CPPED1: variants seen among roughly 807,000 people sequenced by gnomAD.
CPPED1 encodes the protein calcineurin like phosphoesterase domain containing 1, also known as serine/threonine-protein phosphatase CPPED1.
CPPED1 carries 28 observed loss-of-function variants against 28.0 expected under a neutral mutation model. That is an observed-to-expected ratio of 1.00 (90% CI 0.74 to 1.37). The LOEUF (loss-of-function observed/expected upper bound fraction) is 1.37. CPPED1 is among the 40% of genes most tolerant of loss of function. CPPED1 has a pLI of 0.00. For missense variants in CPPED1, 504 were observed against 416.5 expected, an observed-to-expected ratio of 1.21 and a Z score of -1.83; for synonymous variants, 198 against 180.2, an observed-to-expected ratio of 1.10 and a Z score of -0.79.
At chr16:12,790,099 C>CA (rs2080587489) in intron 1 of CPPED1, among the ~76,000 whole-genome samples, 2 of 152,126 alleles carry the variant, frequency 1.3e-5, no homozygotes, top group Non-Finnish European at 2.9e-5. Context: ...CAATTGCACT[C>CA]AGAGAAGAAT....
chr16:12,781,449 C>G (rs1481744794), intron 1 of CPPED1, 46 bp from the exon 2 acceptor site: 1 of 1,575,844 alleles, frequency 6.3e-7, no homozygotes, highest in Non-Finnish European at 8.7e-7. Context: ...CTTGTAAAAT[C>G]TGTCATAAAA....
rs11645068 is a variant in CPPED1, at chr16:12,664,962, T to C, written c.869A>G (p.His290Arg). Residue 290 changes from histidine (H) to arginine (R), a missense_variant, in exon 4 of 4, where the codon CAC (histidine) becomes CGC (arginine). His to Arg is a conservative substitution (Grantham distance 29). Transcript: ENST00000381774. The surrounding 1 kb of genome is among the most constrained non-coding windows in gnomAD (Gnocchi z 4.2). ...CAGCTCATCTAGACTGTAGTATCGG[T>C]GAACAATTTTCTCGGCGGTGACCAC... Reference protein sequence around the residue: ...VVVVTAEKIVHRYYSLDELSE... With the variant: ...VVVVTAEKIVRRYYSLDELSE... 1 of 1,611,168 alleles carries C rather than the reference T, an allele frequency of 6.2e-7. No homozygotes were observed. The highest frequency in any genetic ancestry group is 2.2e-5 in the East Asian group (1 of 44,804).
At chr16:12,717,399 G>T (rs905576184) in intron 2 of CPPED1, among the ~76,000 whole-genome samples, 3 of 152,144 alleles carry the variant, frequency 2.0e-5, no homozygotes, top group African/African-American at 2.4e-5. Flanking sequence ...GAGTAGCTGG[G>T]ACTACAGGCG....
At chr16:12,797,258 A>T (rs75731710) in intron 1 of CPPED1, among the ~76,000 whole-genome samples, 18,790 of 152,232 alleles carry the variant, frequency 0.12, 1,282 homozygotes, top group Middle Eastern at 0.16. Flanking sequence ...GAAAGTTATT[A>T]AAAAAATTTA....
At chr16:12,667,676 T>C (rs1413636559) in intron 3 of CPPED1, among the ~76,000 whole-genome samples, 8 of 152,082 alleles carry the variant, frequency 5.3e-5, no homozygotes, top group Admixed American at 2.6e-4. Context: ...GAGGAAATGA[T>C]CCAGAAGACA....
Position 12,781,292 on chromosome 16 carries a change from C to T in CPPED1, c.182G>A (p.Trp61Ter). The change falls in exon 2 of 4, where the codon TGG becomes TAG. Residue 61 changes from tryptophan to a stop codon, truncating the protein, a stop_gained. Transcript: ENST00000381774. LOFTEE classifies it high-confidence loss of function. ...TGDCDNGGDE[W>*]EQEIRLTEQA... ...CTCAGTTAGACGGATCTCCTGTTCC[C>T]ATTCGTCACCGCCATTGTCACAGTC... 1.2e-6 allele frequency: 2 copies of T among 1,614,114 alleles called. No homozygotes were observed. The highest frequency in any genetic ancestry group is 1.1e-5 in the South Asian group (1 of 91,080).
chr16:12,744,341 C>G (rs2080273575), intron 2 of CPPED1, among the ~76,000 whole-genome samples: 1 of 152,038 alleles, frequency 6.6e-6, no homozygotes, highest in Non-Finnish European at 1.5e-5. Context: ...AGCAAGCAAG[C>G]AAGCTCAACT....
chr16:12,792,285 C>A (rs191257698), intron 1 of CPPED1, among the ~76,000 whole-genome samples: 16 of 152,256 alleles, frequency 1.1e-4, no homozygotes, highest in African/African-American at 3.9e-4. Context: ...TCCTGATGGA[C>A]CAGTGGCTGT....
intron 2 of CPPED1, among the ~76,000 whole-genome samples, chr16:12,767,756 G>C (rs2080447631): frequency 6.6e-6 from 1 of 152,124 alleles, no homozygotes; most frequent in Non-Finnish European, 1.5e-5. Flanking sequence ...TCAGGAGTTT[G>C]AGACCAGCCT....
At chr16:12,793,524 A>C (rs1258606385) in intron 1 of CPPED1, among the ~76,000 whole-genome samples, 1 of 152,216 alleles carries the variant, frequency 6.6e-6, no homozygotes, top group African/African-American at 2.4e-5. Flanking sequence ...CAAGTTCCTG[A>C]ACCTCTCTGG....
intron 3 of CPPED1, among the ~76,000 whole-genome samples, chr16:12,666,071 G>A (rs1402160396): frequency 1.3e-5 from 2 of 152,076 alleles, no homozygotes; most frequent in East Asian, 1.9e-4. Flanking sequence ...AGCCTACATC[G>A]TGCCACCGCA....
intron 2 of CPPED1, among the ~76,000 whole-genome samples, chr16:12,732,571 G>A (rs1298862802): frequency 6.6e-6 from 1 of 152,002 alleles, no homozygotes; most frequent in Non-Finnish European, 1.5e-5. Context: ...AAAAGGGCAT[G>A]AGTTTAAACG....
chr16:12,733,786 T>C (rs112265518), intron 2 of CPPED1, among the ~76,000 whole-genome samples: 163 of 152,328 alleles, frequency 1.1e-3, no homozygotes, highest in African/African-American at 3.7e-3. Context: ...GGTGGCTGCC[T>C]CTAGAAGTGA....
chr16:12,802,532 CGGA>C (rs2080666926), intron 1 of CPPED1, among the ~76,000 whole-genome samples: 2 of 152,136 alleles, frequency 1.3e-5, no homozygotes, highest in African/African-American at 4.8e-5. Flanking sequence ...ACCCGGGAGG[CGGA>C]GGTTACAGTG....
chr16:12,748,714 T>C (rs2080307483), intron 2 of CPPED1, among the ~76,000 whole-genome samples: 2 of 152,022 alleles, frequency 1.3e-5, no homozygotes, highest in Non-Finnish European at 2.9e-5. Context: ...TGAAACTCTG[T>C]CTCTATTAAA....
At chr16:12,768,849 C>T (rs1391060616) in intron 2 of CPPED1, among the ~76,000 whole-genome samples, 1 of 151,344 alleles carries the variant, frequency 6.6e-6, no homozygotes, top group Non-Finnish European at 1.5e-5. Context: ...TTTAAACTCA[C>T]TGCCATTTTT....
intron 3 of CPPED1, among the ~76,000 whole-genome samples, chr16:12,698,754 A>C (rs889543653): frequency 6.6e-6 from 1 of 152,208 alleles, no homozygotes; most frequent in African/African-American, 2.4e-5. Context: ...TTAAAACTAT[A>C]ACCATGGACT....
intron 3 of CPPED1, among the ~76,000 whole-genome samples, chr16:12,685,892 G>A (rs957049555): frequency 4.6e-5 from 7 of 152,208 alleles, no homozygotes; most frequent in African/African-American, 1.7e-4. Flanking sequence ...TTCTTCCTCT[G>A]GGGTTGTCAA....
intron 2 of CPPED1, chr16:12,753,396 C>T (rs933236848): frequency 3.3e-5 from 5 of 152,232 alleles, no homozygotes; most frequent in South Asian, 4.1e-4. Context: ...GGGTAGGTCC[C>T]GTGCGTGCCC....
Sources: gnomAD v4.1 joint callset for allele counts (sites outside exome capture counted in the v4.1 genomes callset) on GRCh38, gnomAD v4.1.1 for gene constraint, Gnocchi (gnomAD v3.1) non-coding constraint, MANE v1.5 for transcripts, NCBI Gene and HGNC (gene_info 2026-07-23, HGNC 2026-07-21) for gene names.